The following CMTM6 variants were observed in gnomAD, a reference collection of about 807,000 sequenced individuals.
CMTM6 encodes CKLF like MARVEL transmembrane domain containing 6, also known as CKLF-like MARVEL transmembrane domain-containing protein 6.
In CMTM6, 5 loss-of-function variants were observed where a neutral mutation model predicts 13.6. The observed-to-expected ratio is 0.37, with a 90% CI of 0.19 to 0.77. CMTM6 has a LOEUF of 0.77. CMTM6 is among the 30% of genes least tolerant of loss of function. CMTM6 has a pLI of 0.50. For synonymous variants in CMTM6, 99 were observed against 84.5 expected (o/e 1.17, Z -0.94); for missense variants, 196 against 218.6 (o/e 0.90, Z 0.65).
chr3:32,487,404 A>G (rs1697214158), intron 3 of CMTM6, among the ~76,000 whole-genome samples: 1 of 151,504 alleles, frequency 6.6e-6, no homozygotes, highest in Non-Finnish European at 1.5e-5. Flanking sequence ...TTGCTTGCCC[A>G]GGCTGGTCTT....
At chr3:32,499,516 G>A (rs1697326869) in intron 1 of CMTM6, among the ~76,000 whole-genome samples, 2 of 152,062 alleles carry the variant, frequency 1.3e-5, no homozygotes, top group Admixed American at 6.6e-5. Context: ...CAAGCAATTA[G>A]GTTACCAAAC....
chr3:32,488,120 C>G, intron 2 of CMTM6, 84 bp from the exon 3 acceptor site: 1 of 945,246 alleles, frequency 1.1e-6, no homozygotes, highest in South Asian at 1.6e-5. Flanking sequence ...CTTTAAAAAG[C>G]TCTGGCTACT....
chr3:32,484,104 A>C lies in CMTM6; in HGVS notation c.415-7T>G. 6.4e-7 allele frequency: 1 copy of C among 1,566,048 alleles called. No individual in the cohort carries two copies. ...TTGCTATAAATCCAAACACCTGAGG[A>C]AAAAAAGGAGGAAAGGTTATATGAG... On this transcript the variant is annotated splice_region_variant and splice_polypyrimidine_tract_variant and intron_variant, in intron 3 of 3. Transcript: ENST00000205636.
At chr3:32,488,107 T>G (rs1439848504) in intron 2 of CMTM6, 71 bp from the exon 3 acceptor site, 2 of 1,120,078 alleles carry the variant, frequency 1.8e-6, no homozygotes, top group Non-Finnish European at 2.6e-6. Context: ...TTTTCATTTT[T>G]AACTTTAAAA....
intron 1 of CMTM6, among the ~76,000 whole-genome samples, chr3:32,502,403 G>C (rs970786833): frequency 1.3e-5 from 2 of 152,252 alleles, no homozygotes; most frequent in African/African-American, 2.4e-5. Context: ...GATCCCGATG[G>C]GGAGAGCCTT....
intron 3 of CMTM6, among the ~76,000 whole-genome samples, chr3:32,484,335 T>G (rs1697183396): frequency 6.6e-6 from 1 of 152,218 alleles, no homozygotes; most frequent in Non-Finnish European, 1.5e-5. Context: ...ATTAATGTTC[T>G]GCCTTATGTG....
In CMTM6 at chr3:32,481,793, A is replaced by G. The variant is rs894462301; in HGVS notation, c.*2167T>C. 9 of 152,262 alleles carry G rather than the reference A, an allele frequency of 5.9e-5. No individual in the cohort carries two copies. The highest frequency in any genetic ancestry group is 1.4e-4 in the African/African-American group (6 of 41,468). 9.4% of individuals were successfully genotyped at this position (152,262 alleles called of 1,614,324 possible). ...AGAGTGACCAAATATACCAGTGAAC[A>G]TACTATCTTTCTGAAAAAGAAAGAA... is the stretch of plus-strand genomic sequence containing the variant. On this transcript the variant is annotated 3_prime_UTR_variant, in exon 4 of 4. Coordinates refer to ENST00000205636, the MANE Select transcript of CMTM6 (RefSeq NM_017801.3).
In CMTM6 at chr3:32,488,885, G is replaced by C. The variant is rs72858888; in HGVS notation, c.316-849C>G. 2.7e-3 allele frequency among the ~76,000 whole-genome samples: 416 copies of C among 152,322 alleles called. 1 individual carries two copies. Among genetic ancestry groups the C allele is most frequent in the African/African-American group, 9.5e-3 (397 of 41,574 alleles). On this transcript the variant is annotated intron_variant, in intron 2 of 3. Transcript: ENST00000205636. Reference sequence around the variant, plus strand: ...ATGACATATATACTTGATTCAGAAAGGGAAACTTGGTAAAATGATAGCCAC... The same window carrying C: ...ATGACATATATACTTGATTCAGAAACGGAAACTTGGTAAAATGATAGCCAC...
Position 32,502,802 on chromosome 3 carries a change from T to G in CMTM6, c.-57A>C. The G allele has an allele frequency of 7.3e-7, 1 of 1,371,272 alleles. No homozygotes were observed. The highest frequency in any genetic ancestry group is 9.4e-7 in the Non-Finnish European group (1 of 1,062,558). The allele number at this position is 1,371,272 out of a possible 1,614,324, so 84.9% of individuals were successfully genotyped here. ...CAACCGCGCCGTTGACTTCTCGGAC[T>G]CCAGAAGTCCCCGGTAGCCGGGAGG... On this transcript the variant is annotated 5_prime_UTR_variant, in exon 1 of 4. Transcript: ENST00000205636.
intron 2 of CMTM6, 62 bp downstream of exon 2, chr3:32,491,648 A>C: frequency 7.2e-7 from 1 of 1,398,084 alleles, no homozygotes; most frequent in Non-Finnish European, 9.7e-7. Context: ...GCTTTGAACA[A>C]TAAAATTATG....
chr3:32,499,624 T>G (rs1178733277), intron 1 of CMTM6, among the ~76,000 whole-genome samples: 1 of 152,166 alleles, frequency 6.6e-6, no homozygotes, highest in East Asian at 1.9e-4. Flanking sequence ...ACTGAAAAAC[T>G]GCATAAAGTT....
At position 32,484,113 on chromosome 3, in the gene CMTM6, A is replaced by G; in HGVS notation, c.415-16T>C. The G allele has an allele frequency of 6.4e-7, 1 of 1,563,710 alleles. No individual in the cohort carries two copies. The highest frequency in any genetic ancestry group is 8.6e-7 in the Non-Finnish European group (1 of 1,158,354). ...ATCCAAACACCTGAGGAAAAAAAGG[A>G]GGAAAGGTTATATGAGAATTTTGGA... On this transcript the variant is annotated splice_polypyrimidine_tract_variant and intron_variant, in intron 3 of 3. Coordinates refer to ENST00000205636, the MANE Select transcript of CMTM6 (RefSeq NM_017801.3).
intron 1 of CMTM6, among the ~76,000 whole-genome samples, chr3:32,498,768 C>T (rs1290463116): frequency 2.6e-5 from 4 of 151,512 alleles, no homozygotes; most frequent in Non-Finnish European, 4.4e-5. Context: ...TTAGTAGAGA[C>T]GGGGTTTCAC....
At chr3:32,492,472 T>G (rs17279984) in intron 1 of CMTM6, among the ~76,000 whole-genome samples, 13,599 of 152,228 alleles carry the variant, frequency 0.089, 658 homozygotes, top group Middle Eastern at 0.15. Context: ...CTAAATGTCC[T>G]CGTTAATTAA....
chr3:32,484,605 GT>G (rs1200016238), intron 3 of CMTM6, among the ~76,000 whole-genome samples: 1 of 152,154 alleles, frequency 6.6e-6, no homozygotes, highest in Non-Finnish European at 1.5e-5. Context: ...CAATGACACA[GT>G]GACATGACGC....
intron 1 of CMTM6, among the ~76,000 whole-genome samples, chr3:32,502,358 G>A (rs866676219): frequency 1.3e-5 from 2 of 152,250 alleles, no homozygotes; most frequent in Admixed American, 6.5e-5. Flanking sequence ...CATTTCCTGA[G>A]CCCGCCTAAC....
chr3:32,488,237 G>C, intron 2 of CMTM6: 1 of 475,226 alleles, frequency 2.1e-6, no homozygotes, highest in Non-Finnish European at 3.8e-6. Flanking sequence ...TCCACACTGG[G>C]CTGGGATTAT....
intron 1 of CMTM6, among the ~76,000 whole-genome samples, chr3:32,499,816 C>T (rs932844200): frequency 4.7e-5 from 7 of 147,582 alleles, no homozygotes; most frequent in Non-Finnish European, 8.9e-5. Context: ...TCTCTAATCT[C>T]CTCTGTGTAC....
chr3:32,501,818 T>C (rs1052422839), intron 1 of CMTM6, among the ~76,000 whole-genome samples: 8 of 152,236 alleles, frequency 5.3e-5, no homozygotes, highest in Admixed American at 2.6e-4. Flanking sequence ...TTTCCTAAAC[T>C]GGTTCAACCA....
Sources: allele counts gnomAD v4.1 joint callset (sites outside exome capture counted in the v4.1 genomes callset), GRCh38; gene constraint gnomAD v4.1.1; transcripts MANE v1.5; gene names NCBI Gene and HGNC (gene_info 2026-07-23, HGNC 2026-07-21).